Variants in GRIP1 observed in about 807,000 individuals in gnomAD.
GRIP1 encodes glutamate receptor interacting protein 1, also known as glutamate receptor-interacting protein 1.
In GRIP1, 45 loss-of-function variants were observed where a neutral mutation model predicts 129.9. The observed-to-expected ratio is 0.35, with a 90% CI of 0.27 to 0.44. The LOEUF (loss-of-function observed/expected upper bound fraction) is 0.44. Among genes scored for constraint, GRIP1 ranks in the 20% least tolerant of loss-of-function variants. The probability of loss-of-function intolerance (pLI) is 1.00; values close to 1 mark genes in which losing one functional copy is unlikely to be tolerated. For synonymous variants in GRIP1, 530 were observed against 520.8 expected (o/e 1.02, Z -0.24); for missense variants, 1,196 against 1,396.8 (o/e 0.86, Z 2.29).
upstream of GRIP1, among the ~76,000 whole-genome samples, chr12:66,682,258 G>A (rs2034614033): frequency 6.6e-6 from 1 of 152,116 alleles, no homozygotes; most frequent in Admixed American, 6.6e-5. Flanking sequence ...ACAGCTCATG[G>A]TTCTAGGACC....
intron 1 of GRIP1, among the ~76,000 whole-genome samples, chr12:67,059,370 T>G (rs2043492835): frequency 6.6e-6 from 1 of 152,174 alleles, no homozygotes; most frequent in South Asian, 2.1e-4. Flanking sequence ...ATAGGAAAAG[T>G]CTCATTTCAG....
At chr12:66,616,902 C>T (rs1417387688) in intron 1 of GRIP1, among the ~76,000 whole-genome samples, 1 of 152,086 alleles carries the variant, frequency 6.6e-6, no homozygotes, top group Non-Finnish European at 1.5e-5. Flanking sequence ...TGACATGCAT[C>T]TTCCAGATGT....
intron 1 of GRIP1, among the ~76,000 whole-genome samples, chr12:66,644,779 A>T (rs1004027503): frequency 5.3e-5 from 8 of 152,340 alleles, no homozygotes; most frequent in African/African-American, 1.9e-4. Context: ...GAAAGAATAA[A>T]AAGCTGTTTC....
chr12:66,774,000 C>A (rs1416117730), intron 1 of GRIP1, among the ~76,000 whole-genome samples: 1 of 151,454 alleles, frequency 6.6e-6, no homozygotes, highest in East Asian at 1.9e-4. Flanking sequence ...CATGGGTAAA[C>A]CTGAATGGTG....
intron 1 of GRIP1, among the ~76,000 whole-genome samples, chr12:66,800,534 T>G (rs2136910518): frequency 6.6e-6 from 1 of 152,294 alleles, no homozygotes; most frequent in Non-Finnish European, 1.5e-5. Context: ...TTAATATACA[T>G]TATCTGTCTT....
chr12:66,929,269 T>C (rs1374326070), intron 1 of GRIP1, among the ~76,000 whole-genome samples: 1 of 152,218 alleles, frequency 6.6e-6, no homozygotes, highest in Non-Finnish European at 1.5e-5. Flanking sequence ...TTTCATCCTA[T>C]CACTCATGTC....
chr12:66,534,572 C>T (rs1454614269), intron 4 of GRIP1, among the ~76,000 whole-genome samples: 1 of 152,086 alleles, frequency 6.6e-6, no homozygotes, highest in Non-Finnish European at 1.5e-5. Context: ...TCATTTGGTC[C>T]TCGTGTACCT....
At chr12:66,653,659 G>A (rs75734058) in intron 1 of GRIP1, among the ~76,000 whole-genome samples, 1,546 of 152,276 alleles carry the variant, frequency 0.01, 20 homozygotes, top group Middle Eastern at 0.027. Flanking sequence ...TAAGCATTTG[G>A]CAGATGCACT....
chr12:66,522,410 T>A (rs564551105), intron 5 of GRIP1, among the ~76,000 whole-genome samples: 20 of 151,980 alleles, frequency 1.3e-4, no homozygotes, highest in Non-Finnish European at 2.5e-4. Context: ...CCGCTGCTGA[T>A]ACCCAGGCAA....
In GRIP1 at chr12:66,788,791, G is replaced by T. The variant is rs571207427; in HGVS notation, c.-420+15262C>A. Reference sequence around the variant, plus strand: ...TCCCTCCCCATTCCAGCCGAGAGATGATTGTAGCCCCAGCCTATACTTTGG... The same window carrying T: ...TCCCTCCCCATTCCAGCCGAGAGATTATTGTAGCCCCAGCCTATACTTTGG... On this transcript the variant is annotated intron_variant, in intron 1 of 4. Transcript: ENST00000538373. Among the ~76,000 whole-genome samples, 416 of 152,224 alleles carry T rather than the reference G, an allele frequency of 2.7e-3. 2 individuals are homozygous for T. The highest frequency in any genetic ancestry group is 4.4e-3 in the Non-Finnish European group (297 of 68,018).
intron 1 of GRIP1, among the ~76,000 whole-genome samples, chr12:66,827,290 G>A (rs1362660690): frequency 6.6e-6 from 1 of 151,746 alleles, no homozygotes; most frequent in Non-Finnish European, 1.5e-5. Flanking sequence ...TGTTTGCAGG[G>A]CTTCAGTTTC....
At chr12:66,612,875 A>T (rs1353730217) in intron 1 of GRIP1, among the ~76,000 whole-genome samples, 1 of 152,120 alleles carries the variant, frequency 6.6e-6, no homozygotes, top group African/African-American at 2.4e-5. Context: ...TTTTGTAGAA[A>T]AAACTCATGC....
intron 1 of GRIP1, among the ~76,000 whole-genome samples, chr12:66,748,583 G>T (rs932291583): frequency 2.6e-5 from 4 of 152,164 alleles, no homozygotes; most frequent in African/African-American, 9.7e-5. Context: ...CACTGTATGT[G>T]TCTAGCAGCC....
intron 23 of GRIP1, among the ~76,000 whole-genome samples, chr12:66,369,554 C>G (rs575951980): frequency 6.6e-6 from 1 of 152,158 alleles, no homozygotes; most frequent in South Asian, 2.1e-4. Flanking sequence ...CTGTTTTATA[C>G]TTGCTATTTG....
chr12:66,807,783 C>T (rs73130859), upstream of GRIP1, among the ~76,000 whole-genome samples: 21,508 of 151,786 alleles, frequency 0.14, 1,813 homozygotes, highest in African/African-American at 0.23. Flanking sequence ...AAATAGATGC[C>T]GCTATGCTTC....
chr12:66,564,832 G>A (rs918280865), intron 2 of GRIP1, among the ~76,000 whole-genome samples: 1 of 152,212 alleles, frequency 6.6e-6, no homozygotes, highest in African/African-American at 2.4e-5. Flanking sequence ...ACTGGTGTGA[G>A]ATGGTATCTC....
At chr12:66,941,974 C>T (rs2041593813) in intron 1 of GRIP1, among the ~76,000 whole-genome samples, 1 of 152,168 alleles carries the variant, frequency 6.6e-6, no homozygotes. Flanking sequence ...AGGCACTACC[C>T]ATAGAGGAAT....
At chr12:66,909,873 T>C (rs2041000165) in intron 1 of GRIP1, among the ~76,000 whole-genome samples, 1 of 152,192 alleles carries the variant, frequency 6.6e-6, no homozygotes, top group East Asian at 1.9e-4. Flanking sequence ...GCCATAATAA[T>C]GTCAAATCTA....
intron 5 of GRIP1, among the ~76,000 whole-genome samples, chr12:66,526,859 G>A (rs998083288): frequency 6.7e-6 from 1 of 149,808 alleles, no homozygotes; most frequent in African/African-American, 2.5e-5. Context: ...TCAAAAAGTG[G>A]GTGAAGGATA....
Sources: gnomAD v4.1 joint callset for allele counts (sites outside exome capture counted in the v4.1 genomes callset) on GRCh38, gnomAD v4.1.1 for gene constraint, MANE v1.5 for transcripts, NCBI Gene and HGNC (gene_info 2026-07-23, HGNC 2026-07-21) for gene names.